The following KMT2A variants were observed in gnomAD, a reference collection of about 807,000 sequenced individuals.
KMT2A encodes lysine methyltransferase 2A.
Under a neutral mutation model 345.3 loss-of-function variants are expected in KMT2A, and 16 were observed. The ratio of observed to expected loss-of-function variants is 0.05; its 90% CI spans 0.03 to 0.07. The LOEUF (loss-of-function observed/expected upper bound fraction) is 0.07, where lower values mean the gene tolerates loss of function less well. KMT2A is among the 10% of genes least tolerant of loss of function. The probability of loss-of-function intolerance (pLI) is 1.00; values close to 1 mark genes in which losing one functional copy is unlikely to be tolerated. For missense variants in KMT2A, 3,272 were observed against 4,841.6 expected (o/e 0.68, Z 9.62); for synonymous variants, 1,599 against 1,778.6 (o/e 0.90, Z 2.54).
intron 25 of KMT2A, 21 bp downstream of exon 25, chr11:118,501,168 G>T (rs1950493696): frequency 1.2e-6 from 2 of 1,608,638 alleles, no homozygotes; most frequent in Admixed American, 1.7e-5. Flanking sequence ...AATCAAGATG[G>T]GACTTGAGGC....
In KMT2A at chr11:118,504,854, C is replaced by T. The variant is rs1565305142; in HGVS notation, c.8962C>T (p.Pro2988Ser). Reference sequence around the variant, plus strand: ...GCTGAGCCCAGGAGTAGATCCAACTCCTGAAGGCCACATGACTCCTGATCA... The same window carrying T: ...GCTGAGCCCAGGAGTAGATCCAACTTCTGAAGGCCACATGACTCCTGATCA... Reference protein sequence around the residue: ...ALLSPGVDPTPEGHMTPDHFI... With the variant: ...ALLSPGVDPTSEGHMTPDHFI... Residue 2988 changes from proline (P) to serine (S), a missense_variant, in exon 27 of 36, where the codon CCT (proline) becomes TCT (serine). By Grantham distance (74) the Pro-to-Ser change is moderately conservative. Transcript: ENST00000534358. The surrounding 1 kb of genome is among the most constrained non-coding windows in gnomAD (Gnocchi z 6.4). 6.2e-7 allele frequency: 1 copy of T among 1,614,148 alleles called. No homozygotes were observed. The highest frequency in any genetic ancestry group is 1.6e-4 in the Middle Eastern group (1 of 6,062).
Position 118,493,069 on chromosome 11 carries a change from C to T in KMT2A, c.5017C>T (p.Pro1673Ser). 1 of 1,613,370 alleles carries T rather than the reference C, an allele frequency of 6.2e-7. No individual in the cohort carries two copies. Among genetic ancestry groups the T allele is most frequent in the Non-Finnish European group, 8.5e-7 (1 of 1,179,540 alleles). ...LLRYRQAAKP[P>S]DLNPETEESI... ...TTCCTGGCAATAGGCTGCCAAGCCT[C>T]CAGACTTAAATCCCGAGACAGAGGA... Residue 1673 changes from proline (P) to serine (S), a missense_variant, in exon 16 of 36, where the codon CCA becomes TCA. By Grantham distance (74) the Pro-to-Ser change is moderately conservative (BLOSUM62 -1). Coordinates refer to ENST00000534358, the MANE Select transcript of KMT2A (RefSeq NM_001197104.2). This position sits in a 1 kb window ranked among gnomAD's most constrained non-coding sequence, Gnocchi z 5.8.
In KMT2A at chr11:118,484,495, T is replaced by G. The variant is rs918561661; in HGVS notation, c.4218+181T>G. On this transcript the variant is annotated intron_variant, in intron 9 of 35. Transcript: ENST00000534358. This position sits in a 1 kb window ranked among gnomAD's most constrained non-coding sequence, Gnocchi z 4.1. ...TGGTCAGTGTTGTTAGGTCACTGTT[T>G]GTGAACTGACTGCAGAACATACATA... Among the ~76,000 whole-genome samples, 1 of 152,322 alleles carries G rather than the reference T, an allele frequency of 6.6e-6. No homozygotes were observed. The highest frequency in any genetic ancestry group is 2.1e-4 in the South Asian group (1 of 4,826).
intron 1 of KMT2A, among the ~76,000 whole-genome samples, chr11:118,463,377 A>G (rs1311345507): frequency 3.3e-5 from 5 of 152,222 alleles, no homozygotes; most frequent in Admixed American, 6.5e-5. Context: ...AAATGCGTGT[A>G]TTTAGCAATG....
intron 1 of KMT2A, among the ~76,000 whole-genome samples, chr11:118,467,896 G>A (rs1949875171): frequency 6.6e-6 from 1 of 152,062 alleles, no homozygotes; most frequent in South Asian, 2.1e-4. Flanking sequence ...CTATCATTCT[G>A]TGTCTGTCTC....
At chr11:118,515,553 G>A (rs557951262) in intron 31 of KMT2A, among the ~76,000 whole-genome samples, 20 of 152,182 alleles carry the variant, frequency 1.3e-4, no homozygotes, top group South Asian at 1.0e-3. Context: ...CAAGCTGATA[G>A]CAAATGGCTG....
chr11:118,469,507 C>CA (rs782812514), intron 2 of KMT2A, among the ~76,000 whole-genome samples: 7 of 152,004 alleles, frequency 4.6e-5, no homozygotes, highest in Non-Finnish European at 1.0e-4. Context: ...TTATTCTCAC[C>CA]AACAAAATAT....
At position 118,436,618 on chromosome 11, in the gene KMT2A, C is replaced by T. The variant is rs1271446856; in HGVS notation, c.106C>T (p.Pro36Ser). The change falls in exon 1 of 36, where the codon CCG becomes TCG. Residue 36 changes from proline to serine, a missense_variant. Physicochemically the swap from Pro to Ser is moderately conservative, Grantham distance 74. This residue lies in a region of KMT2A where 412 missense variants were observed against 511.0 expected (regional missense o/e 0.81). Transcript: ENST00000534358. This position sits in a 1 kb window ranked among gnomAD's most constrained non-coding sequence, Gnocchi z 6.9. ...AGGGGGCGCCCCGCGGCAACGCGTC[C>T]CGGCCCTGCTGCTTCCCCCCGGGCC... ...GLGGAPRQRV[P>S]ALLLPPGPPV... 1 of 1,158,898 alleles carries T rather than the reference C, an allele frequency of 8.6e-7. No individual in the cohort carries two copies. Among genetic ancestry groups the T allele is most frequent in the South Asian group, 4.2e-5 (1 of 23,610 alleles). The allele number at this position is 1,158,898 out of a possible 1,614,324, so 71.8% of individuals were successfully genotyped here.
At position 118,491,810 on chromosome 11, in the gene KMT2A, A is replaced by T. The variant is rs538714509; in HGVS notation, c.4886A>T (p.Glu1629Val). The change falls in exon 15 of 36, where the codon GAG becomes GTG. Residue 1629 changes from glutamate (E) to valine (V), a missense_variant. Around this residue, in one of 27 missense-constraint regions of KMT2A, gnomAD observed 66 missense variants for 80.1 expected, o/e 0.82. Transcript: ENST00000534358. The surrounding 1 kb of genome is among the most constrained non-coding windows in gnomAD (Gnocchi z 4.2). ...SVAYTCVNCT[E>V]RHPAEWRLAL... ...GCCTACACTTGTGTGAACTGTACTGAGCGGCACCCTGCAGAGTGGCGACTG... is the reference window on the plus strand; with the variant it reads ...GCCTACACTTGTGTGAACTGTACTGTGCGGCACCCTGCAGAGTGGCGACTG... 3.1e-6 allele frequency: 5 copies of T among 1,614,118 alleles called. No individual in the cohort carries two copies. In the African/African-American group the frequency reaches 6.7e-5, roughly 22 times the overall value.
chr11:118,514,769 G>A (rs1430584891), intron 31 of KMT2A, among the ~76,000 whole-genome samples: 1 of 152,152 alleles, frequency 6.6e-6, no homozygotes, highest in Non-Finnish European at 1.5e-5. Context: ...GAGTAGCTGG[G>A]ATTACAGGCA....
rs1951045546 is a variant in KMT2A, at chr11:118,524,768, C to G, written c.*2596C>G. 2 of 180,922 alleles carry G rather than the reference C, an allele frequency of 1.1e-5. No homozygotes were observed. The highest frequency in any genetic ancestry group is 1.3e-4 in the Admixed American group (2 of 15,836). 11.2% of individuals were successfully genotyped at this position (180,922 alleles called of 1,614,324 possible). A position where few individuals can be genotyped will look rare whatever the true frequency, so the allele number is the denominator to read the frequency against. On this transcript the variant is annotated 3_prime_UTR_variant, in exon 36 of 36. Transcript: ENST00000534358. ...TGAAATGATTAATGCACTGATGGGTCCTGAATTCACCTTGAGAAAGACCCA... is the reference window on the plus strand; with the variant it reads ...TGAAATGATTAATGCACTGATGGGTGCTGAATTCACCTTGAGAAAGACCCA...
Position 118,466,812 on chromosome 11 carries a change from C to A in KMT2A, c.433-1963C>A, listed in dbSNP as rs555809633. ...AGACTCTGCCTCAAAAAAAACAAAA[C>A]AAAACAAAACAAAAACAACAAAAAA... On this transcript the variant is annotated intron_variant, in intron 1 of 35. Coordinates refer to ENST00000534358, the MANE Select transcript of KMT2A (RefSeq NM_001197104.2). Among the ~76,000 whole-genome samples the A allele has an allele frequency of 4.6e-5, 7 of 151,238 alleles. No individual in the cohort carries two copies. The South Asian group carries it at 1.5e-3, about 32-fold the overall frequency.
rs2134391388 is a variant in KMT2A, at chr11:118,503,246, C to A, written c.7354C>A (p.Pro2452Thr). 6.2e-7 allele frequency: 1 copy of A among 1,613,918 alleles called. No individual in the cohort carries two copies. Among genetic ancestry groups the A allele is most frequent in the Admixed American group, 1.7e-5 (1 of 59,982 alleles). Reference sequence around the variant, plus strand: ...GCATTCCAGTAAATCTTTTTTGGAACCTGGTCAGGTGACAACTGGTGAGGA... The same window carrying A: ...GCATTCCAGTAAATCTTTTTTGGAAACTGGTCAGGTGACAACTGGTGAGGA... ...EKHSSKSFLE[P>T]GQVTTGEEGN... The change falls in exon 27 of 36, where the codon CCT becomes ACT. Residue 2452 changes from proline to threonine, a missense_variant. By Grantham distance (38) the Pro-to-Thr change is conservative (BLOSUM62 -1). This residue lies in a region of KMT2A where 445 missense variants were observed against 500.9 expected (regional missense o/e 0.89). Transcript: ENST00000534358. This position sits in a 1 kb window ranked among gnomAD's most constrained non-coding sequence, Gnocchi z 5.3.
At chr11:118,449,966 A>G (rs1245475254) in intron 1 of KMT2A, 1 of 151,752 alleles carries the variant, frequency 6.6e-6, no homozygotes, top group Non-Finnish European at 1.5e-5. Context: ...AAAATTTCTT[A>G]TAATAAAAAG....
chr11:118,475,638 G>A (rs1555037366), intron 3 of KMT2A, among the ~76,000 whole-genome samples: 2 of 152,024 alleles, frequency 1.3e-5, no homozygotes, highest in African/African-American at 2.4e-5. Flanking sequence ...CAGGAGAATC[G>A]CTTGAACCCG....
At chr11:118,506,754 T>C in intron 27 of KMT2A, 108 bp downstream of exon 27, 1 of 1,209,114 alleles carries the variant, frequency 8.3e-7, no homozygotes, top group African/African-American at 1.5e-5. Flanking sequence ...TCAAGTTGCA[T>C]TACCTGGGAG....
chr11:118,449,422 T>TAAA, intron 1 of KMT2A: 1 of 142,534 alleles, frequency 7.0e-6, no homozygotes, highest in Non-Finnish European at 1.5e-5. Context: ...TTTAAAAAAT[T>TAAA]AAAAAAAAAA....
At chr11:118,447,069 A>G (rs576764559) in intron 1 of KMT2A, among the ~76,000 whole-genome samples, 6 of 152,292 alleles carry the variant, frequency 3.9e-5, no homozygotes, top group Admixed American at 6.5e-5. Flanking sequence ...CCCATGGTTC[A>G]ACTCAGATCC....
rs2134340636 is a variant in KMT2A, at chr11:118,491,743, G to T, written c.4820-1G>T. ...ATCATGGTAGGTTTTTGTTTTCTTA[G>T]ATGAGATGTATGAGATTCTATCTAA... On this transcript the variant is annotated splice_acceptor_variant, in intron 14 of 35. Coordinates refer to ENST00000534358, the MANE Select transcript of KMT2A (RefSeq NM_001197104.2). LOFTEE classifies it high-confidence loss of function. This position sits in a 1 kb window ranked among gnomAD's most constrained non-coding sequence, Gnocchi z 4.2. 1 of 1,590,742 alleles carries T rather than the reference G, an allele frequency of 6.3e-7. No homozygotes were observed. Among genetic ancestry groups the T allele is most frequent in the Non-Finnish European group, 8.6e-7 (1 of 1,168,602 alleles).
Sources: gnomAD v4.1 joint callset for allele counts (sites outside exome capture counted in the v4.1 genomes callset) on GRCh38, gnomAD v4.1.1 for gene constraint, gnomAD v4.1.1 regional missense constraint, Gnocchi (gnomAD v3.1) non-coding constraint, MANE v1.5 for transcripts, NCBI Gene and HGNC (gene_info 2026-07-23, HGNC 2026-07-21) for gene names.